ATL2: variants seen among roughly 807,000 people sequenced by gnomAD.
The protein encoded by ATL2 is atlastin-2.
ATL2 carries 31 observed loss-of-function variants against 73.9 expected under a neutral mutation model. The ratio of observed to expected loss-of-function variants is 0.42; its 90% CI spans 0.32 to 0.57. The LOEUF (loss-of-function observed/expected upper bound fraction) is 0.57. Ranked by LOEUF, ATL2 falls within the 20% of genes least tolerant of loss-of-function variation. The probability of loss-of-function intolerance (pLI) is 0.14; values close to 1 mark genes in which losing one functional copy is unlikely to be tolerated. For missense variants in ATL2, 738 were observed against 702.6 expected, an observed-to-expected ratio of 1.05 and a Z score of -0.57; for synonymous variants, 291 against 237.5, an observed-to-expected ratio of 1.23 and a Z score of -2.07.
At chr2:38,357,337 A>C (rs1268989042) in intron 1 of ATL2, among the ~76,000 whole-genome samples, 3 of 151,884 alleles carry the variant, frequency 2.0e-5, no homozygotes, top group Non-Finnish European at 4.4e-5. Flanking sequence ...AAAAATAAAT[A>C]AATAAAATAA....
At chr2:38,305,493 G>A (rs536911578) in intron 9 of ATL2, among the ~76,000 whole-genome samples, 52 of 152,192 alleles carry the variant, frequency 3.4e-4, no homozygotes, top group Non-Finnish European at 6.9e-4. Context: ...AGGTTGCAGT[G>A]AGCCGAGACT....
At position 38,353,876 on chromosome 2, in the gene ATL2, T is replaced by C. The variant is rs377236945; in HGVS notation, c.119-10364A>G. Among the ~76,000 whole-genome samples, 4 of 152,210 alleles carry C rather than the reference T, an allele frequency of 2.6e-5. No homozygotes were observed. The South Asian group carries it at 8.3e-4, about 32-fold the overall frequency. Reference sequence around the variant, plus strand: ...ATTCAGTGAAACGATCATTCAAAAATGAAAGCAAAATAAAGACAGCAAAAG... The same window carrying C: ...ATTCAGTGAAACGATCATTCAAAAACGAAAGCAAAATAAAGACAGCAAAAG... On this transcript the variant is annotated intron_variant, in intron 1 of 12. Coordinates refer to ENST00000378954, the MANE Select transcript of ATL2 (RefSeq NM_001135673.4).
At chr2:38,361,326 C>A (rs1671004453) in intron 1 of ATL2, among the ~76,000 whole-genome samples, 1 of 146,658 alleles carries the variant, frequency 6.8e-6, no homozygotes, top group African/African-American at 2.6e-5. Context: ...TGCACGCCAG[C>A]CTGGGTGACA....
At chr2:38,326,745 G>A (rs1007640333) in intron 2 of ATL2, among the ~76,000 whole-genome samples, 12 of 151,946 alleles carry the variant, frequency 7.9e-5, no homozygotes, top group South Asian at 4.2e-4. Context: ...CCCAGCACTC[G>A]GGGAGGCCGA....
chr2:38,365,584 T>A (rs1282139320), intron 1 of ATL2, among the ~76,000 whole-genome samples: 1 of 151,768 alleles, frequency 6.6e-6, no homozygotes, highest in African/African-American at 2.4e-5. Context: ...AGGTCAGGAG[T>A]TCGAGACCAG....
chr2:38,303,971 A>C (rs1667318282), intron 9 of ATL2, among the ~76,000 whole-genome samples: 1 of 152,122 alleles, frequency 6.6e-6, no homozygotes, highest in South Asian at 2.1e-4. Context: ...TCTCTGTTAA[A>C]AACAACAACA....
intron 2 of ATL2, among the ~76,000 whole-genome samples, chr2:38,334,608 G>T (rs534514764): frequency 6.6e-6 from 1 of 151,388 alleles, no homozygotes; most frequent in African/African-American, 2.4e-5. Flanking sequence ...TGTGGCAGGA[G>T]AATTGCTTGA....
At position 38,298,474 on chromosome 2, in the gene ATL2, C is replaced by G; in HGVS notation, c.1302G>C (p.Lys434Asn). 6.2e-7 allele frequency: 1 copy of G among 1,614,166 alleles called. No individual in the cohort carries two copies. The highest frequency in any genetic ancestry group is 8.5e-7 in the Non-Finnish European group (1 of 1,180,012). ...VAIKQFRSVKKMGGDEFCRRY... is the reference protein window; with the variant it reads ...VAIKQFRSVKNMGGDEFCRRY... ...GACGGCAGAACTCATCTCCACCCAT[C>G]TTTTTTACTGAACGAAATTGTTTTA... is the stretch of plus-strand genomic sequence containing the variant. The change falls in exon 12 of 13, where the codon AAG becomes AAC. Residue 434 changes from lysine (K) to asparagine (N), a missense_variant. Lys to Asn is a moderately conservative substitution (Grantham distance 94). Coordinates refer to ENST00000378954, the MANE Select transcript of ATL2 (RefSeq NM_001135673.4).
At chr2:38,354,083 T>C (rs1019545407) in intron 1 of ATL2, 10 of 357,756 alleles carry the variant, frequency 2.8e-5, no homozygotes, top group East Asian at 1.1e-4. Flanking sequence ...TCCCAGCTAC[T>C]TGGGAGGCTG....
chr2:38,300,643 A>T (rs2148403734), intron 9 of ATL2, among the ~76,000 whole-genome samples: 1 of 152,236 alleles, frequency 6.6e-6, no homozygotes, highest in Non-Finnish European at 1.5e-5. Context: ...TAATATTTTT[A>T]AAAAACTTTT....
chr2:38,296,010 C>T lies in ATL2; in HGVS notation c.1736G>A (p.Arg579Lys). The T allele has an allele frequency of 6.5e-7, 1 of 1,550,164 alleles. No individual in the cohort carries two copies. The highest frequency in any genetic ancestry group is 8.7e-7 in the Non-Finnish European group (1 of 1,145,558). Residue 579 changes from arginine (R) to lysine (K), a missense_variant, in exon 13 of 13, where the codon AGA (arginine) becomes AAA (lysine). Transcript: ENST00000378954. ...GATGAACTGTCAGTCTGTCTTTAAT[C>T]TGGCATGATGAGACACCTGGTCAGT... is the stretch of plus-strand genomic sequence containing the variant. ...GLTDQVSHHA[R>K]LKTD
intron 1 of ATL2, among the ~76,000 whole-genome samples, chr2:38,376,905 C>A (rs1051526927): frequency 6.6e-6 from 1 of 150,666 alleles, no homozygotes; most frequent in Non-Finnish European, 1.5e-5. Context: ...GACGCGCGCG[C>A]CACTGGTTCT....
chr2:38,316,337 G>A (rs1668022852), intron 4 of ATL2, among the ~76,000 whole-genome samples: 1 of 152,172 alleles, frequency 6.6e-6, no homozygotes, highest in Admixed American at 6.5e-5. Context: ...ACCAACCTAT[G>A]TGGGCCTCTG....
chr2:38,363,663 A>G (rs1558454809), intron 1 of ATL2, among the ~76,000 whole-genome samples: 1 of 152,194 alleles, frequency 6.6e-6, no homozygotes, highest in Non-Finnish European at 1.5e-5. Context: ...CAACTCCAAC[A>G]ATTCTCAGGA....
At chr2:38,307,703 A>T (rs1220918549) in intron 9 of ATL2, among the ~76,000 whole-genome samples, 1 of 152,070 alleles carries the variant, frequency 6.6e-6, no homozygotes, top group Non-Finnish European at 1.5e-5. Context: ...GCAAACTACT[A>T]GTCTGATAAG....
At chr2:38,371,770 C>T (rs370524773) in intron 1 of ATL2, among the ~76,000 whole-genome samples, 1 of 151,846 alleles carries the variant, frequency 6.6e-6, no homozygotes, top group Non-Finnish European at 1.5e-5. Flanking sequence ...TGGTGGCACG[C>T]GTCTGTAGTC....
At chr2:38,313,881 G>A (rs962752050) in intron 6 of ATL2, among the ~76,000 whole-genome samples, 1 of 152,134 alleles carries the variant, frequency 6.6e-6, no homozygotes, top group African/African-American at 2.4e-5. Flanking sequence ...CCCTTGGGTG[G>A]CAAAATGATC....
chr2:38,374,305 T>A (rs1671845903), intron 1 of ATL2, among the ~76,000 whole-genome samples: 1 of 152,214 alleles, frequency 6.6e-6, no homozygotes, highest in Admixed American at 6.5e-5. Context: ...CACTGTGGAA[T>A]CAAGTTCAGT....
chr2:38,303,706 C>A (rs890966854), intron 9 of ATL2, among the ~76,000 whole-genome samples: 8 of 152,032 alleles, frequency 5.3e-5, no homozygotes, highest in African/African-American at 1.9e-4. Flanking sequence ...TTATACAAAG[C>A]AATAACAAAG....
Sources: gnomAD v4.1 joint callset for allele counts (sites outside exome capture counted in the v4.1 genomes callset) on GRCh38, gnomAD v4.1.1 for gene constraint, MANE v1.5 for transcripts, NCBI Gene and HGNC (gene_info 2026-07-23, HGNC 2026-07-21) for gene names.